Variants in BMPR1B observed in about 807,000 individuals in gnomAD.
The protein encoded by BMPR1B is bone morphogenetic protein receptor type 1B, also known as bone morphogenetic protein receptor type-1B.
Under a neutral mutation model 59.1 loss-of-function variants are expected in BMPR1B, and 12 were observed. The ratio of observed to expected loss-of-function variants is 0.20; its 90% CI spans 0.13 to 0.33. The LOEUF is 0.33. Among genes scored for constraint, BMPR1B ranks in the 10% least tolerant of loss-of-function variants. The pLI, the probability that BMPR1B is intolerant of heterozygous loss-of-function variation, is 1.00. For missense variants in BMPR1B, 550 were observed against 610.9 expected (o/e 0.90, Z 1.05); for synonymous variants, 237 against 207.3 (o/e 1.14, Z -1.23).
chr4:95,032,252 GGAGAGA>G (rs148968296), intron 3 of BMPR1B, among the ~76,000 whole-genome samples: 19 of 151,380 alleles, frequency 1.3e-4, no homozygotes, highest in Non-Finnish European at 2.5e-4. Context: ...CATGACTGGG[GGAGAGA>G]GAGAGAGAGT....
At chr4:94,989,386 TAAA>T (rs532770101) in intron 2 of BMPR1B, among the ~76,000 whole-genome samples, 56 of 137,938 alleles carry the variant, frequency 4.1e-4, no homozygotes, top group Non-Finnish European at 4.4e-4. Context: ...AGACTCCGTC[TAAA>T]AAAAAAAAAA....
chr4:95,011,031 A>G (rs377059106), intron 3 of BMPR1B, among the ~76,000 whole-genome samples: 6 of 152,032 alleles, frequency 3.9e-5, no homozygotes, highest in African/African-American at 1.4e-4. Context: ...AATTTATGTC[A>G]GTTGCTTTTT....
intron 2 of BMPR1B, among the ~76,000 whole-genome samples, chr4:94,908,093 A>AAAAAAAAAAAAGAAAAAG (rs1553917473): frequency 1.7e-5 from 2 of 118,712 alleles, no homozygotes; most frequent in Non-Finnish European, 3.3e-5. Context: ...AAAAAAAAGA[A>AAAAAAAAAAAAGAAAAAG]AAAACAAAAA....
rs1300469298 is a variant in BMPR1B at position 94,992,625 on chromosome 4, C to G, written c.-112-3415C>G. Among the ~76,000 whole-genome samples, 6 of 152,280 alleles carry G rather than the reference C, an allele frequency of 3.9e-5. No homozygotes were observed. The East Asian group carries it at 1.2e-3, about 29-fold the overall frequency. ...TCCTTGATAAATAATACTTCTACTC[C>G]CTCTAGACCACATGCCTCAAGAAGA... On this transcript the variant is annotated intron_variant, in intron 2 of 12. Transcript: ENST00000515059.
In BMPR1B at chr4:94,977,804, C is replaced by T. The variant is rs139247978; in HGVS notation, c.-112-18236C>T. On this transcript the variant is annotated intron_variant, in intron 2 of 12. Coordinates refer to ENST00000515059, the MANE Select transcript of BMPR1B (RefSeq NM_001203.3). ...CCCAGGTGGCGGAGGTTGTGGTGAGCGGAGATTGCACCACTGCATTCCAGC... is the reference window on the plus strand; with the variant it reads ...CCCAGGTGGCGGAGGTTGTGGTGAGTGGAGATTGCACCACTGCATTCCAGC... Among the ~76,000 whole-genome samples the T allele has an allele frequency of 5.5e-3, 839 of 152,152 alleles. 21 individuals are homozygous for T. The highest frequency in any genetic ancestry group is 0.037 in the Admixed American group (564 of 15,280).
At chr4:95,049,127 T>C (rs547126989) in intron 3 of BMPR1B, among the ~76,000 whole-genome samples, 1 of 152,000 alleles carries the variant, frequency 6.6e-6, no homozygotes, top group South Asian at 2.1e-4. Flanking sequence ...CCAGAAGTCT[T>C]TTTGGAGATG....
intron 2 of BMPR1B, among the ~76,000 whole-genome samples, chr4:94,993,164 T>C (rs1439505494): frequency 6.6e-6 from 1 of 152,202 alleles, no homozygotes; most frequent in Non-Finnish European, 1.5e-5. Context: ...GTGCTGGGTT[T>C]ACAGATGATG....
intron 2 of BMPR1B, among the ~76,000 whole-genome samples, chr4:94,970,311 TCTC>T (rs1429423952): frequency 7.2e-6 from 1 of 138,324 alleles, no homozygotes; most frequent in East Asian, 2.1e-4. Flanking sequence ...CTTCTTTCTC[TCTC>T]TCTTTCTCTC....
At chr4:94,890,878 G>A (rs1057007869) in intron 2 of BMPR1B, among the ~76,000 whole-genome samples, 3 of 151,940 alleles carry the variant, frequency 2.0e-5, no homozygotes, top group African/African-American at 2.4e-5. Flanking sequence ...TTGGGGGTTA[G>A]GACTTTGGAA....
chr4:95,037,771 C>T (rs1423663434), intron 3 of BMPR1B, among the ~76,000 whole-genome samples: 2 of 151,794 alleles, frequency 1.3e-5, no homozygotes, highest in Admixed American at 6.6e-5. Flanking sequence ...CATGAGGGGT[C>T]ATATACTTTA....
At chr4:95,047,264 T>G (rs1726124654) in intron 3 of BMPR1B, among the ~76,000 whole-genome samples, 1 of 152,206 alleles carries the variant, frequency 6.6e-6, no homozygotes, top group East Asian at 1.9e-4. Context: ...CTTTCCATAA[T>G]GCCATTTTTT....
intron 2 of BMPR1B, among the ~76,000 whole-genome samples, chr4:94,886,169 A>G (rs1727163278): frequency 6.6e-6 from 1 of 152,202 alleles, no homozygotes. Flanking sequence ...CCAAATAATA[A>G]TCAAAAGTAA....
chr4:95,067,201 A>G (rs1340309781), intron 3 of BMPR1B, among the ~76,000 whole-genome samples: 5 of 152,300 alleles, frequency 3.3e-5, no homozygotes, highest in African/African-American at 1.2e-4. Flanking sequence ...AGCATTTTAC[A>G]GATTTAATAG....
At chr4:94,922,474 G>T (rs1372087746) in intron 2 of BMPR1B, among the ~76,000 whole-genome samples, 1 of 152,070 alleles carries the variant, frequency 6.6e-6, no homozygotes, top group African/African-American at 2.4e-5. Context: ...GTTTCGTTTT[G>T]CAGACTACAG....
intron 11 of BMPR1B, among the ~76,000 whole-genome samples, chr4:95,151,414 A>G (rs1473482184): frequency 2.0e-5 from 3 of 152,200 alleles, no homozygotes; most frequent in African/African-American, 4.8e-5. Context: ...GGTCCTGAGA[A>G]TGAGAAAGGG....
intron 2 of BMPR1B, among the ~76,000 whole-genome samples, chr4:94,944,347 A>G (rs1456941726): frequency 1.3e-5 from 2 of 152,232 alleles, no homozygotes; most frequent in Admixed American, 1.3e-4. Context: ...TACTAAAATT[A>G]GGAAACTGGA....
At chr4:94,884,484 C>T (rs60793962) in intron 2 of BMPR1B, among the ~76,000 whole-genome samples, 4,369 of 152,048 alleles carry the variant, frequency 0.029, 193 homozygotes, top group African/African-American at 0.099. Context: ...CAAGATGGTG[C>T]CATTGCACTC....
intron 2 of BMPR1B, among the ~76,000 whole-genome samples, chr4:94,963,941 A>G (rs547338197): frequency 1.2e-4 from 18 of 152,214 alleles, no homozygotes; most frequent in Admixed American, 3.9e-4. Flanking sequence ...CATTTTAATG[A>G]TACTGATTCT....
chr4:94,807,247 A>G (rs188845330), intron 1 of BMPR1B, among the ~76,000 whole-genome samples: 87 of 152,150 alleles, frequency 5.7e-4, no homozygotes, highest in African/African-American at 2.0e-3. Flanking sequence ...GATGCCCACT[A>G]CCATGCCCAA....
Sources: allele counts gnomAD v4.1 joint callset (sites outside exome capture counted in the v4.1 genomes callset), GRCh38; gene constraint gnomAD v4.1.1; transcripts MANE v1.5; gene names NCBI Gene and HGNC (gene_info 2026-07-23, HGNC 2026-07-21).